CALN1: variants seen among roughly 807,000 people sequenced by gnomAD.
The protein encoded by CALN1 is calcium-binding protein 8.
CALN1 carries 17 observed loss-of-function variants against 30.6 expected under a neutral mutation model. The ratio of observed to expected loss-of-function variants is 0.56; its 90% CI spans 0.38 to 0.83. CALN1 has a LOEUF of 0.83. Ranked by LOEUF, CALN1 falls within the 40% of genes least tolerant of loss-of-function variation. CALN1 has a pLI of 0.00. For synonymous variants in CALN1, 156 were observed against 131.4 expected (o/e 1.19, Z -1.28); for missense variants, 291 against 354.9 (o/e 0.82, Z 1.45).
chr7:72,254,958 ATTGTTTG>A (rs1795813973), intron 3 of CALN1, among the ~76,000 whole-genome samples: 3 of 151,552 alleles, frequency 2.0e-5, no homozygotes, highest in Non-Finnish European at 4.4e-5. Flanking sequence ...TTTATTATTT[ATTGTTTG>A]TATTTTTAGT....
chr7:72,419,182 G>A (rs1007384878), intron 1 of CALN1, among the ~76,000 whole-genome samples: 1 of 152,124 alleles, frequency 6.6e-6, no homozygotes, highest in Non-Finnish European at 1.5e-5. Flanking sequence ...GCTGCTCAAA[G>A]CATCACAGTT....
chr7:72,024,566 T>G (rs1000892893), intron 4 of CALN1, among the ~76,000 whole-genome samples: 3 of 151,948 alleles, frequency 2.0e-5, no homozygotes, highest in African/African-American at 7.2e-5. Context: ...GCCTGGCTAA[T>G]TTTTGTATTT....
chr7:72,192,198 C>T (rs774375942), intron 3 of CALN1, among the ~76,000 whole-genome samples: 2 of 152,186 alleles, frequency 1.3e-5, no homozygotes, highest in Non-Finnish European at 2.9e-5. Flanking sequence ...ATAGTATATG[C>T]TATTGCTCCT....
chr7:72,119,832 A>T (rs1808253684), intron 3 of CALN1, among the ~76,000 whole-genome samples: 1 of 152,158 alleles, frequency 6.6e-6, no homozygotes, highest in Non-Finnish European at 1.5e-5. Flanking sequence ...ACTTCTCACC[A>T]GGTCCCTCCC....
At chr7:72,222,521 GT>G (rs1271614243) in intron 3 of CALN1, among the ~76,000 whole-genome samples, 1 of 152,166 alleles carries the variant, frequency 6.6e-6, no homozygotes, top group East Asian at 1.9e-4. Flanking sequence ...TTCACAAGAA[GT>G]TTGCCCCCAT....
At chr7:71,844,860 CATCT>C (rs1461004524) in intron 5 of CALN1, among the ~76,000 whole-genome samples, 4 of 152,110 alleles carry the variant, frequency 2.6e-5, no homozygotes, top group South Asian at 2.1e-4. Flanking sequence ...CATACTCCTC[CATCT>C]GAGTTCTTTA....
At chr7:72,317,794 A>C (rs1800589062) in intron 2 of CALN1, among the ~76,000 whole-genome samples, 1 of 152,180 alleles carries the variant, frequency 6.6e-6, no homozygotes, top group South Asian at 2.1e-4. Flanking sequence ...AGACACCAGC[A>C]TGACACCGGC....
At chr7:71,934,283 A>C (rs1242214935) in intron 5 of CALN1, among the ~76,000 whole-genome samples, 1 of 152,216 alleles carries the variant, frequency 6.6e-6, no homozygotes, top group East Asian at 1.9e-4. Context: ...GGAATAGAGA[A>C]AACTGTGGAA....
intron 3 of CALN1, among the ~76,000 whole-genome samples, chr7:72,182,506 G>A (rs1213338190): frequency 6.6e-6 from 1 of 152,112 alleles, no homozygotes; most frequent in Non-Finnish European, 1.5e-5. Flanking sequence ...GATTACTTGA[G>A]GCCAGGAGTT....
intron 3 of CALN1, among the ~76,000 whole-genome samples, chr7:72,139,053 G>C (rs1337217524): frequency 1.3e-5 from 2 of 152,154 alleles, no homozygotes; most frequent in Non-Finnish European, 2.9e-5. Flanking sequence ...AGCATCCAGA[G>C]TGGTGTGTCA....
chr7:72,056,998 C>T (rs760151092), intron 4 of CALN1, among the ~76,000 whole-genome samples: 4 of 152,022 alleles, frequency 2.6e-5, no homozygotes, highest in Non-Finnish European at 5.9e-5. Flanking sequence ...CGGAGTGCAG[C>T]GGCATGATCA....
At chr7:72,200,451 C>T (rs1791339233) in intron 3 of CALN1, among the ~76,000 whole-genome samples, 1 of 152,144 alleles carries the variant, frequency 6.6e-6, no homozygotes, top group Admixed American at 6.5e-5. Context: ...GTTTCAAGCA[C>T]CTTACAAATA....
intron 3 of CALN1, among the ~76,000 whole-genome samples, chr7:72,226,214 C>G (rs765749878): frequency 2.6e-5 from 4 of 151,788 alleles, no homozygotes; most frequent in Non-Finnish European, 5.9e-5. Context: ...CATTGCACTC[C>G]AACCTGGGTG....
intron 3 of CALN1, among the ~76,000 whole-genome samples, chr7:72,169,320 G>C (rs1335894168): frequency 6.6e-6 from 1 of 151,800 alleles, no homozygotes; most frequent in Non-Finnish European, 1.5e-5. Context: ...TAGTTTTTAT[G>C]GTTTTGTTTT....
Position 72,116,037 on chromosome 7 carries a change from T to A in CALN1, c.245-9743A>T, listed in dbSNP as rs1807962592. Among the ~76,000 whole-genome samples the A allele has an allele frequency of 2.0e-5, 3 of 152,174 alleles. No homozygotes were observed. The South Asian group carries it at 6.2e-4, about 32-fold the overall frequency. On this transcript the variant is annotated intron_variant, in intron 3 of 6. Transcript: ENST00000395275. ...TGGCTGAATAACAGTCCATTGTGTA[T>A]ATGGACTACATCCTAGTTTTTATTT... is the stretch of plus-strand genomic sequence containing the variant.
Position 71,943,504 on chromosome 7 carries a change from G to A in CALN1, c.501+80153C>T, listed in dbSNP as rs150239789. Reference sequence around the variant, plus strand: ...CACCCAGGCTGGAGCACAGTGGCACGATATCAGCTCATGGCAACCTCTGCC... The same window carrying A: ...CACCCAGGCTGGAGCACAGTGGCACAATATCAGCTCATGGCAACCTCTGCC... On this transcript the variant is annotated intron_variant, in intron 5 of 6. Transcript: ENST00000395275. Among the ~76,000 whole-genome samples, 78 of 152,216 alleles carry A rather than the reference G, an allele frequency of 5.1e-4. 1 individual carries two copies. The East Asian group carries it at 0.014, about 28-fold the overall frequency.
At chr7:72,498,370 A>C in the CALN1 span, among the ~76,000 whole-genome samples, 3 of 152,086 alleles carry the variant, frequency 2.0e-5, no homozygotes, top group African/African-American at 7.2e-5. Flanking sequence ...AAAAAAACTT[A>C]TACCTAGCCA....
intron 3 of CALN1, among the ~76,000 whole-genome samples, chr7:72,115,733 G>A (rs7788950): frequency 0.18 from 27,664 of 151,552 alleles, 2,721 homozygotes; most frequent in East Asian, 0.3. Flanking sequence ...TGATCTGCCC[G>A]CCTCAGCCTC....
intron 3 of CALN1, among the ~76,000 whole-genome samples, chr7:72,228,092 T>C (rs1380831021): frequency 1.3e-5 from 2 of 152,176 alleles, no homozygotes; most frequent in East Asian, 1.9e-4. Flanking sequence ...TGCCTATCAA[T>C]GTAGCTCTTC....
Sources: allele counts gnomAD v4.1 joint callset (sites outside exome capture counted in the v4.1 genomes callset), GRCh38; gene constraint gnomAD v4.1.1; transcripts MANE v1.5; gene names NCBI Gene and HGNC (gene_info 2026-07-23, HGNC 2026-07-21).